Variants in PCSK6 observed in about 807,000 individuals in gnomAD.
The protein encoded by PCSK6 is paired basic amino acid cleaving enzyme 4.
In PCSK6, 85 loss-of-function variants were observed where a neutral mutation model predicts 123.3. That is an observed-to-expected ratio of 0.69 (90% CI 0.58 to 0.83). The LOEUF (loss-of-function observed/expected upper bound fraction) is 0.83. Ranked by LOEUF, PCSK6 falls within the 40% of genes least tolerant of loss-of-function variation. PCSK6 has a pLI of 0.00. For missense variants in PCSK6, 1,191 were observed against 1,282.3 expected, an observed-to-expected ratio of 0.93 and a Z score of 1.09; for synonymous variants, 508 against 516.0, an observed-to-expected ratio of 0.98 and a Z score of 0.21.
intron 15 of PCSK6, among the ~76,000 whole-genome samples, chr15:101,330,084 G>A (rs375138093): frequency 4.5e-4 from 69 of 152,304 alleles, no homozygotes; most frequent in African/African-American, 1.5e-3. Context: ...GCCACCAGAC[G>A]GCTCTGGCCT....
rs186483468 is a variant in PCSK6, at chr15:101,340,272, G to A, written c.1859-8241C>T. 1.3e-3 allele frequency among the ~76,000 whole-genome samples: 201 copies of A among 152,250 alleles called. 2 individuals are homozygous for A. The highest frequency in any genetic ancestry group is 4.6e-3 in the African/African-American group (189 of 41,534). On this transcript the variant is annotated intron_variant, in intron 13 of 21. Transcript: ENST00000611716. ...GAACTCTCAGACCCAGGCTAAGAAA[G>A]GGGAGATACAAGGCTTCCCTGTGCT... is the stretch of plus-strand genomic sequence containing the variant.
chr15:101,464,383 T>C (rs1254699681), intron 1 of PCSK6, among the ~76,000 whole-genome samples: 1 of 152,068 alleles, frequency 6.6e-6, no homozygotes, highest in Admixed American at 6.6e-5. Flanking sequence ...CCCTCACAAT[T>C]TGGTCATTTA....
intron 19 of PCSK6, 23 bp from the exon 20 acceptor site, chr15:101,313,528 C>T: frequency 6.3e-7 from 1 of 1,578,180 alleles, no homozygotes; most frequent in Non-Finnish European, 8.6e-7. Flanking sequence ...GGAAAAGAAG[C>T]AGGTATCAGG....
Position 101,370,474 on chromosome 15 carries a change from A to T in PCSK6, c.1582T>A (p.Cys528Ser), listed in dbSNP as rs1345603615. 1 of 1,547,784 alleles carries T rather than the reference A, an allele frequency of 6.5e-7. No homozygotes were observed. Among genetic ancestry groups the T allele is most frequent in the Non-Finnish European group, 8.7e-7 (1 of 1,144,684 alleles). Residue 528 changes from cysteine to serine, a missense_variant, in exon 12 of 22, where the codon TGC (cysteine) becomes AGC (serine). By Grantham distance (112) the Cys-to-Ser change is moderately radical. This residue lies in a region of PCSK6 where 630 missense variants were observed against 631.4 expected (regional missense o/e 1.00). Coordinates refer to ENST00000611716, the MANE Select transcript of PCSK6 (RefSeq NM_002570.5). ...ACCCGCTGGTCCGAGTGCTCCGCGC[A>T]GGCGCTGGTCAGGGCCGTAGTCCGC... ...VLRTTALTSACAEHSDQRVVY... is the reference protein window; with the variant it reads ...VLRTTALTSASAEHSDQRVVY...
chr15:101,436,350 G>A (rs1388260145), intron 2 of PCSK6, among the ~76,000 whole-genome samples: 2 of 152,202 alleles, frequency 1.3e-5, no homozygotes, highest in Non-Finnish European at 1.5e-5. Context: ...TTTGAAGTAC[G>A]CACCGGCAGG....
chr15:101,434,262 G>A (rs1170767544), intron 2 of PCSK6, among the ~76,000 whole-genome samples: 1 of 152,150 alleles, frequency 6.6e-6, no homozygotes, highest in Non-Finnish European at 1.5e-5. Flanking sequence ...GGGATGTCCC[G>A]CCCTCCTGCC....
At chr15:101,420,626 G>A (rs1330804953) in intron 6 of PCSK6, among the ~76,000 whole-genome samples, 1 of 152,104 alleles carries the variant, frequency 6.6e-6, no homozygotes, top group Non-Finnish European at 1.5e-5. Flanking sequence ...AACCCCCAAA[G>A]TGCTGGGATT....
chr15:101,337,206 TG>T (rs1436783932), intron 13 of PCSK6: 2 of 152,228 alleles, frequency 1.3e-5, no homozygotes, highest in African/African-American at 2.4e-5. Context: ...GGTTTCAGAA[TG>T]TTTGCCAGGA....
intron 13 of PCSK6, chr15:101,347,475 A>G: frequency 1.6e-6 from 2 of 1,263,636 alleles, no homozygotes; most frequent in Non-Finnish European, 2.0e-6. Flanking sequence ...TTCATTAAAC[A>G]TTTTACTGAG....
chr15:101,349,902 C>A (rs145598223), intron 13 of PCSK6, among the ~76,000 whole-genome samples: 1 of 151,938 alleles, frequency 6.6e-6, no homozygotes, highest in Non-Finnish European at 1.5e-5. Flanking sequence ...CTTGTGTTTT[C>A]GTTTATTTTT....
chr15:101,334,441 G>A (rs2141375583), intron 13 of PCSK6: 1 of 150,262 alleles, frequency 6.7e-6, no homozygotes, highest in African/African-American at 2.5e-5. Flanking sequence ...AGTGACACAG[G>A]AAGTTGTTCT....
intron 1 of PCSK6, among the ~76,000 whole-genome samples, chr15:101,456,424 G>A (rs2057182274): frequency 6.6e-6 from 1 of 152,190 alleles, no homozygotes. Flanking sequence ...TCAAGCCACT[G>A]CAGGTCTCCA....
At chr15:101,407,241 T>G (rs563211984) in intron 6 of PCSK6, among the ~76,000 whole-genome samples, 1 of 152,308 alleles carries the variant, frequency 6.6e-6, no homozygotes, top group Admixed American at 6.5e-5. Flanking sequence ...TAAATCATGT[T>G]TTCTACAATA....
At chr15:101,444,813 C>T (rs2056843953) in intron 1 of PCSK6, among the ~76,000 whole-genome samples, 2 of 152,216 alleles carry the variant, frequency 1.3e-5, no homozygotes, top group Non-Finnish European at 2.9e-5. Context: ...CTGCTATAGT[C>T]TGACCTCAAT....
intron 19 of PCSK6, among the ~76,000 whole-genome samples, chr15:101,315,197 C>T (rs28525287): frequency 0.019 from 2,960 of 152,232 alleles, 108 homozygotes; most frequent in African/African-American, 0.068. Flanking sequence ...GAGGTGGTGG[C>T]GATGGTGGCA....
intron 6 of PCSK6, among the ~76,000 whole-genome samples, chr15:101,427,201 C>T (rs969059315): frequency 9.9e-5 from 15 of 152,094 alleles, no homozygotes; most frequent in African/African-American, 1.7e-4. Context: ...ACCAGACGCA[C>T]GCGGGGCAGG....
chr15:101,329,471 T>A (rs1180553104), intron 15 of PCSK6, among the ~76,000 whole-genome samples: 3 of 152,166 alleles, frequency 2.0e-5, no homozygotes, highest in African/African-American at 7.2e-5. Flanking sequence ...AAGAGTACAC[T>A]GAGAACAAGT....
intron 2 of PCSK6, 44 bp from the exon 3 acceptor site, chr15:101,432,144 C>A (rs1347164285): frequency 6.6e-6 from 10 of 1,517,932 alleles, no homozygotes; most frequent in Non-Finnish European, 9.0e-6. Flanking sequence ...GAAATGATTT[C>A]TTGATTTTAT....
At chr15:101,345,854 G>A (rs1273368432) in intron 13 of PCSK6, among the ~76,000 whole-genome samples, 1 of 152,164 alleles carries the variant, frequency 6.6e-6, no homozygotes, top group Admixed American at 6.5e-5. Context: ...TTTTGGTAGA[G>A]GCGGGGTTTC....
Sources: gnomAD v4.1 joint callset for allele counts (sites outside exome capture counted in the v4.1 genomes callset) on GRCh38, gnomAD v4.1.1 for gene constraint, gnomAD v4.1.1 regional missense constraint, MANE v1.5 for transcripts, NCBI Gene and HGNC (gene_info 2026-07-23, HGNC 2026-07-21) for gene names.